Variants in ZNF717 observed in about 807,000 individuals in gnomAD.
ZNF717 encodes zinc finger protein 717.
ZNF717 carries 9 observed loss-of-function variants against 13.8 expected under a neutral mutation model. That is an observed-to-expected ratio of 0.65 (90% CI 0.39 to 1.14). The LOEUF is 1.14. Ranked by LOEUF, ZNF717 falls within the 50% of genes most tolerant of loss-of-function variation. The pLI, the probability that ZNF717 is intolerant of heterozygous loss-of-function variation, is 0.01. For synonymous variants in ZNF717, 327 were observed against 364.1 expected, an observed-to-expected ratio of 0.90 and a Z score of 1.16; for missense variants, 1,040 against 1,080.7, an observed-to-expected ratio of 0.96 and a Z score of 0.53.
intron 2 of ZNF717, among the ~76,000 whole-genome samples, chr3:75,775,120 C>G (rs1456595012): frequency 2.0e-5 from 3 of 152,036 alleles, no homozygotes; most frequent in African/African-American, 4.8e-5. Flanking sequence ...TGCCACCACA[C>G]CAGGCTAATT....
intron 2 of ZNF717, among the ~76,000 whole-genome samples, chr3:75,762,127 G>T (rs1432898139): frequency 6.6e-6 from 1 of 151,914 alleles, no homozygotes; most frequent in African/African-American, 2.4e-5. Context: ...GAAAACAAAA[G>T]AAAAGAAATT....
intron 2 of ZNF717, among the ~76,000 whole-genome samples, chr3:75,751,746 T>C (rs1941842630): frequency 6.6e-6 from 1 of 151,492 alleles, no homozygotes; most frequent in Non-Finnish European, 1.5e-5. Context: ...TCTGAGTGTT[T>C]GTCCCTCACA....
chr3:75,743,361 T>C (rs1940715757), intron 2 of ZNF717, among the ~76,000 whole-genome samples: 1 of 152,238 alleles, frequency 6.6e-6, no homozygotes, highest in Admixed American at 6.5e-5. Context: ...CAATCTGAAG[T>C]TGGCTGAATC....
intron 2 of ZNF717, among the ~76,000 whole-genome samples, chr3:75,764,478 T>G (rs1943272111): frequency 2.6e-5 from 4 of 152,194 alleles, no homozygotes; most frequent in Non-Finnish European, 5.9e-5. Flanking sequence ...GTAATGAGGA[T>G]GAACTGTGAT....
downstream of ZNF717, among the ~76,000 whole-genome samples, chr3:75,735,303 G>A (rs914620532): frequency 3.5e-3 from 527 of 152,212 alleles, 1 homozygote; most frequent in Admixed American, 0.024. Context: ...TTTGTTGCAA[G>A]TCTATACTGC....
intron 2 of ZNF717, among the ~76,000 whole-genome samples, chr3:75,770,913 A>T (rs1323552542): frequency 2.6e-5 from 4 of 152,192 alleles, no homozygotes; most frequent in Admixed American, 2.6e-4. Context: ...GACCAACAGA[A>T]CATTTGGATA....
intron 2 of ZNF717, among the ~76,000 whole-genome samples, chr3:75,771,895 GC>G (rs1269071782): frequency 1.4e-4 from 21 of 152,240 alleles, no homozygotes; most frequent in Admixed American, 1.2e-3. Flanking sequence ...TGCTCCCAGA[GC>G]CCACTCCAAA....
chr3:75,777,060 C>T (rs942116854), intron 2 of ZNF717, among the ~76,000 whole-genome samples: 6 of 152,340 alleles, frequency 3.9e-5, no homozygotes, highest in African/African-American at 1.4e-4. Flanking sequence ...GTGCACTGTA[C>T]TTCCTCAAAT....
intron 2 of ZNF717, among the ~76,000 whole-genome samples, chr3:75,748,845 A>C (rs1941413929): frequency 6.6e-6 from 1 of 152,228 alleles, no homozygotes; most frequent in Non-Finnish European, 1.5e-5. Context: ...GGCCAGGGCT[A>C]TCAGGCAGGA....
At chr3:75,735,029 G>T (rs1322546175), downstream of ZNF717, among the ~76,000 whole-genome samples, 4 of 150,340 alleles carry the variant, frequency 2.7e-5, no homozygotes, top group Non-Finnish European at 5.9e-5. Flanking sequence ...GTTTCACCAT[G>T]TTAGCAAGGA....
chr3:75,743,845 G>C (rs939938693), intron 2 of ZNF717, among the ~76,000 whole-genome samples: 4 of 152,234 alleles, frequency 2.6e-5, no homozygotes, highest in African/African-American at 9.6e-5. Context: ...AAAAGAATAC[G>C]ATAACCAGAA....
At chr3:75,762,422 CAG>C (rs1201470506) in intron 2 of ZNF717, among the ~76,000 whole-genome samples, 1 of 128,184 alleles carries the variant, frequency 7.8e-6, no homozygotes, top group African/African-American at 3.1e-5. Context: ...GCCTGGGAGA[CAG>C]AGCAAGACTC....
At chr3:75,713,838 C>A (rs77160602) in intron 5 of ZNF717, among the ~76,000 whole-genome samples, 10 of 151,836 alleles carry the variant, frequency 6.6e-5, no homozygotes, top group Admixed American at 6.6e-4. Context: ...GGCCAGGCTG[C>A]GCTTTTATTG....
chr3:75,696,892 C>CAAAAAAAAAAAAAAAA (rs142213799), intron 6 of ZNF717, among the ~76,000 whole-genome samples: 3 of 61,466 alleles, frequency 4.9e-5, no homozygotes, highest in African/African-American at 7.5e-5. Flanking sequence ...GACTTCATCT[C>CAAAAAAAAAAAAAAAA]AAAAAAAAAA....
In ZNF717 at chr3:75,737,686, G is replaced by T. The variant is rs752455744; in HGVS notation, c.1937C>A (p.Pro646His). The stretch of plus-strand genomic sequence containing the variant: ...TTTTCCACATTCATTACATACGTAA[G>T]GTTTCTCTCCTGTGTGAGTTCCCTG... ...THQGTHTGEK[P>H]YVCNECGKTF... Residue 646 changes from proline to histidine, a missense_variant, in exon 5 of 5, where the codon CCT becomes CAT. Coordinates refer to ENST00000652011, the MANE Select transcript of ZNF717 (RefSeq NM_001290208.3). 6 of 1,545,580 alleles carry T rather than the reference G, an allele frequency of 3.9e-6. No individual in the cohort carries two copies.
At chr3:75,732,739 G>GACA (rs1301794242), downstream of ZNF717, among the ~76,000 whole-genome samples, 2 of 152,196 alleles carry the variant, frequency 1.3e-5, no homozygotes, top group African/African-American at 4.8e-5. Context: ...GATGGACTAA[G>GACA]ACAGCTTCCC....
At chr3:75,704,353 T>A (rs74523202) in intron 6 of ZNF717, among the ~76,000 whole-genome samples, 1 of 151,454 alleles carries the variant, frequency 6.6e-6, no homozygotes, top group South Asian at 2.1e-4. Context: ...TTCGGCAATA[T>A]CATGAAGGGA....
intron 2 of ZNF717, among the ~76,000 whole-genome samples, chr3:75,781,785 A>G (rs1305840414): frequency 6.6e-6 from 1 of 152,202 alleles, no homozygotes. Context: ...ACTCAGAGAT[A>G]GTATCATAAA....
At chr3:75,717,895 C>A (rs1938088750) in intron 4 of ZNF717, among the ~76,000 whole-genome samples, 1 of 152,176 alleles carries the variant, frequency 6.6e-6, no homozygotes, top group Non-Finnish European at 1.5e-5. Flanking sequence ...ATGGATGATT[C>A]ACCACGTCTC....
Sources: allele counts gnomAD v4.1 joint callset (sites outside exome capture counted in the v4.1 genomes callset), GRCh38; gene constraint gnomAD v4.1.1; transcripts MANE v1.5; gene names NCBI Gene and HGNC (gene_info 2026-07-23, HGNC 2026-07-21).